Variants in CFAP54 observed in about 807,000 individuals in gnomAD.
CFAP54 encodes cilia and flagella associated protein 54.
Under a neutral mutation model 370.4 loss-of-function variants are expected in CFAP54, and 290 were observed. The ratio of observed to expected loss-of-function variants is 0.78; its 90% CI spans 0.71 to 0.86. The LOEUF (loss-of-function observed/expected upper bound fraction) is 0.86, where lower values mean the gene tolerates loss of function less well. Ranked by LOEUF, CFAP54 falls within the 40% of genes least tolerant of loss-of-function variation. CFAP54 has a pLI of 0.00. For missense variants in CFAP54, 3,399 were observed against 3,528.7 expected, an observed-to-expected ratio of 0.96 and a Z score of 0.93; for synonymous variants, 1,206 against 1,236.5, an observed-to-expected ratio of 0.98 and a Z score of 0.52.
chr12:96,867,627 A>T (rs941802464), intron 67 of CFAP54, among the ~76,000 whole-genome samples: 5 of 152,222 alleles, frequency 3.3e-5, no homozygotes, highest in Non-Finnish European at 4.4e-5. Context: ...ATGAACCTGG[A>T]GGACATTATG....
intron 5 of CFAP54, 127 bp from the exon 6 acceptor site, chr12:96,518,801 T>C (rs1955269455): frequency 1.3e-6 from 1 of 790,746 alleles, no homozygotes; most frequent in Admixed American, 3.4e-5. Context: ...TGACACGTTA[T>C]TTATGGTATT....
chr12:96,711,963 A>G (rs138584721), intron 48 of CFAP54, among the ~76,000 whole-genome samples: 1 of 152,308 alleles, frequency 6.6e-6, no homozygotes, highest in Non-Finnish European at 1.5e-5. Context: ...GAGCTTCTAT[A>G]TATCTAGGAA....
At chr12:96,826,793 T>C (rs1293265991) in intron 65 of CFAP54, among the ~76,000 whole-genome samples, 2 of 112,442 alleles carry the variant, frequency 1.8e-5, no homozygotes, top group Admixed American at 1.2e-4. Context: ...TTATAAATAA[T>C]ATATAATTAT....
intron 15 of CFAP54, among the ~76,000 whole-genome samples, chr12:96,552,195 G>A (rs1299081159): frequency 1.4e-5 from 2 of 139,074 alleles, no homozygotes; most frequent in African/African-American, 5.4e-5. Context: ...GCAGTGAGCT[G>A]AGATCACGCC....
Position 96,804,201 on chromosome 12 carries a change from A to G in CFAP54, c.8851-7535A>G, listed in dbSNP as rs1221277750. Among the ~76,000 whole-genome samples, 4 of 152,242 alleles carry G rather than the reference A, an allele frequency of 2.6e-5. No individual in the cohort carries two copies. The East Asian group carries it at 7.7e-4, about 29-fold the overall frequency. ...CTGTCACACAGAAATAAGAAAAAAG[A>G]ATGAACAAAGCCTCTGAAAGCTGGA... On this transcript the variant is annotated intron_variant, in intron 63 of 67. Transcript: ENST00000524981.
Position 96,679,671 on chromosome 12 carries a change from A to G in CFAP54, c.5635A>G (p.Thr1879Ala), listed in dbSNP as rs1450944448. Reference sequence around the variant, plus strand: ...AGACACCTTGAGGTGTTTTAGAGAGACACTGGAAAAATCCAAATACCATAA... The same window carrying G: ...AGACACCTTGAGGTGTTTTAGAGAGGCACTGGAAAAATCCAAATACCATAA... ...VTDTLRCFRE[T>A]LEKSKYHNRS... The change falls in exon 40 of 68, where the codon ACA becomes GCA. Residue 1879 changes from threonine (T) to alanine (A), a missense_variant. Thr to Ala is a moderately conservative substitution (Grantham distance 58, BLOSUM62 0). Coordinates refer to ENST00000524981, the MANE Select transcript of CFAP54 (RefSeq NM_001306084.2). 6.2e-7 allele frequency: 1 copy of G among 1,613,930 alleles called. No individual in the cohort carries two copies. Among genetic ancestry groups the G allele is most frequent in the African/African-American group, 1.3e-5 (1 of 75,014 alleles).
At chr12:96,601,537 C>T (rs1190417845) in intron 26 of CFAP54, among the ~76,000 whole-genome samples, 3 of 152,202 alleles carry the variant, frequency 2.0e-5, no homozygotes, top group Non-Finnish European at 4.4e-5. Context: ...ATGGTGCCAG[C>T]TCCTCCTTCT....
At chr12:96,636,850 A>AGTCC (rs1468935240) in intron 32 of CFAP54, among the ~76,000 whole-genome samples, 4 of 152,178 alleles carry the variant, frequency 2.6e-5, no homozygotes, top group African/African-American at 9.7e-5. Context: ...GCTACTCAGG[A>AGTCC]GTCCGAGGAA....
Position 96,685,216 on chromosome 12 carries a change from G to C in CFAP54, c.5992G>C (p.Val1998Leu), listed in dbSNP as rs913708670. ...VGIWGCLQGA[V>L]ISAKIAQFIK... ...CATCTGGGGGTGTTTGCAAGGAGCA[G>C]TCATATCAGCAAAGATAGCACAGTG... Residue 1998 changes from valine (V) to leucine (L), a missense_variant, in exon 42 of 68, where the codon GTC (valine) becomes CTC (leucine). By Grantham distance (32) the Val-to-Leu change is conservative (BLOSUM62 1). Around this residue, in one of 3 missense-constraint regions of CFAP54, gnomAD observed 2,796 missense variants for 2,869.7 expected, o/e 0.97. Coordinates refer to ENST00000524981, the MANE Select transcript of CFAP54 (RefSeq NM_001306084.2). The C allele has an allele frequency of 1.9e-6, 3 of 1,613,948 alleles. No homozygotes were observed. The African/African-American group carries it at 4.0e-5, about 22-fold the overall frequency.
At chr12:96,702,150 CAG>C (rs1957498559) in intron 46 of CFAP54, among the ~76,000 whole-genome samples, 1 of 152,086 alleles carries the variant, frequency 6.6e-6, no homozygotes, top group Non-Finnish European at 1.5e-5. Context: ...AGGATGACTA[CAG>C]AGTGTTCAAC....
chr12:96,593,732 A>G (rs1051255640), intron 24 of CFAP54, among the ~76,000 whole-genome samples: 5 of 152,050 alleles, frequency 3.3e-5, no homozygotes, highest in Middle Eastern at 3.2e-3. Context: ...CCAGGAAAGG[A>G]AAAAGAGGAG....
At chr12:96,639,478 A>T (rs1257738653) in intron 32 of CFAP54, among the ~76,000 whole-genome samples, 1 of 152,228 alleles carries the variant, frequency 6.6e-6, no homozygotes, top group Non-Finnish European at 1.5e-5. Context: ...AGATGGATTC[A>T]CAGCCGAATT....
intron 39 of CFAP54, among the ~76,000 whole-genome samples, chr12:96,672,134 A>C (rs1472515880): frequency 6.6e-6 from 1 of 152,248 alleles, no homozygotes; most frequent in South Asian, 2.1e-4. Context: ...TACAAGGAAA[A>C]AAAAGGATAT....
chr12:96,649,850 C>CCAGAAAAATCTA, intron 34 of CFAP54, 41 bp from the exon 35 acceptor site: 1 of 1,378,198 alleles, frequency 7.3e-7, no homozygotes, highest in South Asian at 1.4e-5. Flanking sequence ...GAACTTAATT[C>CCAGAAAAATCTA]TATGTTTTTA....
Position 96,628,531 on chromosome 12 carries a change from G to A in CFAP54, c.4104-1562G>A, listed in dbSNP as rs7959007. Among the ~76,000 whole-genome samples, 685 of 152,264 alleles carry A rather than the reference G, an allele frequency of 4.5e-3. 2 individuals carry two copies. The highest frequency in any genetic ancestry group is 0.016 in the African/African-American group (652 of 41,546). ...AGAGGAGAGGCTGTAGAGAAGAGAC[G>A]TAGCTGGTTGGAAATGGAAGGCAGT... On this transcript the variant is annotated intron_variant, in intron 30 of 67. Transcript: ENST00000524981.
chr12:96,828,788 T>C (rs901546265), intron 65 of CFAP54, among the ~76,000 whole-genome samples: 6 of 152,182 alleles, frequency 3.9e-5, no homozygotes, highest in African/African-American at 1.2e-4. Context: ...CAAAATCTTA[T>C]TTAGAAAAAT....
intron 64 of CFAP54, 70 bp downstream of exon 64, chr12:96,811,912 T>C (rs1958931790): frequency 5.3e-6 from 5 of 936,716 alleles, no homozygotes; most frequent in Admixed American, 3.3e-5. Flanking sequence ...CTTTCAGTAA[T>C]TGGCAAGGTG....
At chr12:96,571,327 G>A (rs1050577132) in intron 19 of CFAP54, among the ~76,000 whole-genome samples, 2 of 152,126 alleles carry the variant, frequency 1.3e-5, no homozygotes, top group Non-Finnish European at 2.9e-5. Flanking sequence ...TGTGGTTTTG[G>A]TGGCACATTG....
At chr12:96,557,675 A>G (rs1003783162) in intron 17 of CFAP54, among the ~76,000 whole-genome samples, 2 of 152,124 alleles carry the variant, frequency 1.3e-5, no homozygotes, top group South Asian at 2.1e-4. Context: ...TTAAAAGACT[A>G]CATTCAGTGT....
Sources: gnomAD v4.1 joint callset for allele counts (sites outside exome capture counted in the v4.1 genomes callset) on GRCh38, gnomAD v4.1.1 for gene constraint, gnomAD v4.1.1 regional missense constraint, MANE v1.5 for transcripts, NCBI Gene and HGNC (gene_info 2026-07-23, HGNC 2026-07-21) for gene names.